DIABLO: variants seen among roughly 807,000 people sequenced by gnomAD.
DIABLO encodes the protein diablo IAP-binding mitochondrial protein.
In DIABLO, 32 loss-of-function variants were observed where a neutral mutation model predicts 31.7. That is an observed-to-expected ratio of 1.01 (90% CI 0.76 to 1.35). The LOEUF (loss-of-function observed/expected upper bound fraction) is 1.35, where lower values mean the gene tolerates loss of function less well. DIABLO is among the 40% of genes most tolerant of loss of function. DIABLO has a pLI of 0.00. For missense variants in DIABLO, 316 were observed against 286.4 expected (o/e 1.10, Z -0.75); for synonymous variants, 132 against 103.2 (o/e 1.28, Z -1.69).
At chr12:122,226,774 G>T, upstream of DIABLO, 1 of 555,028 alleles carries the variant, frequency 1.8e-6, no homozygotes, top group Non-Finnish European at 3.2e-6. Flanking sequence ...CTCGTTCTTC[G>T]GCTCTGATCC....
intron 2 of DIABLO, chr12:122,221,031 T>C (rs967092345): frequency 1.3e-5 from 2 of 152,236 alleles, no homozygotes; most frequent in African/African-American, 4.8e-5. Context: ...TATGTAACTT[T>C]TCCAAAAAGT....
chr12:122,211,537 C>CA (rs1954089093), intron 5 of DIABLO, among the ~76,000 whole-genome samples: 1 of 151,132 alleles, frequency 6.6e-6, no homozygotes, highest in Admixed American at 6.6e-5. Flanking sequence ...AACAAGACAC[C>CA]AACTCTTAAA....
At chr12:122,225,353 C>T in intron 1 of DIABLO, 1 of 975,564 alleles carries the variant, frequency 1.0e-6, no homozygotes, top group Non-Finnish European at 1.2e-6. Context: ...CGCCACTGCA[C>T]TCCAGCCTGG....
rs150518256 is a variant in DIABLO, at chr12:122,224,654, G to T, written c.51-10C>A. 9 of 1,614,050 alleles carry T rather than the reference G, an allele frequency of 5.6e-6. No homozygotes were observed. The African/African-American group carries it at 1.2e-4, about 22-fold the overall frequency. ...CAAACACTGTCTGTACCTGGAAGTAGAAGTCAGATTTCATAAGGCACGACC... is the reference window on the plus strand; with the variant it reads ...CAAACACTGTCTGTACCTGGAAGTATAAGTCAGATTTCATAAGGCACGACC... On this transcript the variant is annotated splice_polypyrimidine_tract_variant and intron_variant, in intron 1 of 5. Transcript: ENST00000464942.
At chr12:122,226,322 T>C (rs1437557722), upstream of DIABLO, 7 of 659,096 alleles carry the variant, frequency 1.1e-5, no homozygotes, top group South Asian at 1.1e-4. Context: ...GGGCGGGGAC[T>C]CAGTTCGGGC....
At chr12:122,226,134 A>C, upstream of DIABLO, 3 of 1,438,220 alleles carry the variant, frequency 2.1e-6, no homozygotes, top group South Asian at 1.2e-5. Context: ...CACCCAAGGA[A>C]GCAGTCGGGA....
intron 5 of DIABLO, chr12:122,209,085 C>T (rs1032238706): frequency 7.6e-5 from 21 of 277,842 alleles, no homozygotes; most frequent in South Asian, 4.8e-4. Context: ...GAAGGCCGGG[C>T]GCAGTGGCTC....
intron 5 of DIABLO, among the ~76,000 whole-genome samples, chr12:122,210,908 T>A (rs186712663): frequency 3.1e-4 from 47 of 150,056 alleles, no homozygotes; most frequent in Admixed American, 7.9e-4. Flanking sequence ...GGCATGGTGG[T>A]GTGCACCTGT....
intron 5 of DIABLO, chr12:122,208,969 TTAAAGG>T (rs1954011689): frequency 5.3e-5 from 19 of 357,572 alleles, no homozygotes; most frequent in South Asian, 3.3e-4. Flanking sequence ...TGACTAATCT[TTAAAGG>T]TAAAGGAATG....
At position 122,208,396 on chromosome 12, in the gene DIABLO, G is replaced by A. The variant is rs1953984673; in HGVS notation, c.705C>T (p.Tyr235=). Residue 235 remains tyrosine (Y), a synonymous_variant, in exon 6 of 6, where the codon TAC becomes TAT. Transcript: ENST00000464942. ...GCTCAGGCCCTCAATCCTCACGCAG[G>A]TAGGCCTCCTGCTCCGACTCAGCCC... ...EERAESEQEA[Y]LRED 6.2e-7 allele frequency: 1 copy of A among 1,612,434 alleles called. No homozygotes were observed. The highest frequency in any genetic ancestry group is 1.1e-5 in the South Asian group (1 of 91,028).
chr12:122,226,885 T>C (rs1413787383), upstream of DIABLO, among the ~76,000 whole-genome samples: 3 of 152,232 alleles, frequency 2.0e-5, no homozygotes, highest in East Asian at 1.9e-4. Context: ...TTTTTAATGC[T>C]GTGAGTGCCG....
Position 122,207,898 on chromosome 12 carries a change from T to C in DIABLO, c.*483A>G. ...GTCCTCACAGGACAGTGGGGGCAGA[T>C]CAGAGAACACATCAGAAATACATAC... On this transcript the variant is annotated 3_prime_UTR_variant, in exon 6 of 6. Transcript: ENST00000464942. The C allele has an allele frequency of 4.3e-6, 2 of 460,404 alleles. No homozygotes were observed. The highest frequency in any genetic ancestry group is 3.1e-5 in the South Asian group (2 of 64,526). The allele number at this position is 460,404 out of a possible 1,614,324, so 28.5% of individuals were successfully genotyped here. A position where few individuals can be genotyped will look rare whatever the true frequency, so the allele number is the denominator to read the frequency against.
intron 2 of DIABLO, among the ~76,000 whole-genome samples, chr12:122,223,201 G>A (rs572382018): frequency 4.6e-5 from 7 of 152,170 alleles, no homozygotes; most frequent in African/African-American, 1.2e-4. Flanking sequence ...TTGGGATGCC[G>A]AGGCGTGTGG....
chr12:122,216,704 G>C lies in DIABLO; in HGVS notation c.426+55C>G, dbSNP rs1954219785. The C allele has an allele frequency of 3.8e-6, 6 of 1,560,922 alleles. No homozygotes were observed. In the Admixed American group the frequency reaches 6.7e-5, roughly 17 times the overall value. On this transcript the variant is annotated intron_variant, in intron 4 of 5. Coordinates refer to ENST00000464942, the MANE Select transcript of DIABLO (RefSeq NM_001371333.1). ...TGATTAGACTTAATTCAATAATTTA[G>C]ATACCACATGAGGTAGGTGCACTAA...
chr12:122,226,277 G>T (rs762648232), upstream of DIABLO: 8 of 688,096 alleles, frequency 1.2e-5, no homozygotes, highest in South Asian at 1.2e-4. Context: ...TGGGTCCGGC[G>T]CGGAGCTGAG....
In DIABLO at chr12:122,224,731, C is replaced by T. The variant is rs553252627; in HGVS notation, c.51-87G>A. The T allele has an allele frequency of 3.3e-5, 53 of 1,612,368 alleles. 1 individual carries two copies. In the South Asian group the frequency reaches 5.2e-4, roughly 16 times the overall value. ...TACTTGCAGGGGCTGTAAACTCAAACTCGAGCCAAGCAGGAACCTAAATGA... is the reference window on the plus strand; with the variant it reads ...TACTTGCAGGGGCTGTAAACTCAAATTCGAGCCAAGCAGGAACCTAAATGA... On this transcript the variant is annotated intron_variant, in intron 1 of 5. Transcript: ENST00000464942.
Position 122,207,690 on chromosome 12 carries a change from TTTCAGATGCAAACAAA to T in DIABLO, c.*675_*690del, listed in dbSNP as rs760396817. ...GACCCCAGGAGAGACGCATTTTCTCTTTCAGATGCAAACAAAATCTTACACTCTTCTCCTTTGGATA... is the reference window on the plus strand; with the variant it reads ...GACCCCAGGAGAGACGCATTTTCTCTATCTTACACTCTTCTCCTTTGGATA... On this transcript the variant is annotated 3_prime_UTR_variant, in exon 6 of 6. Coordinates refer to ENST00000464942, the MANE Select transcript of DIABLO (RefSeq NM_001371333.1). The T allele has an allele frequency of 5.5e-4, 329 of 594,442 alleles. 2 individuals carry two copies. The highest frequency in any genetic ancestry group is 8.2e-4 in the Non-Finnish European group (260 of 317,484). The allele number at this position is 594,442 out of a possible 1,614,324, so 36.8% of individuals were successfully genotyped here. A position where few individuals can be genotyped will look rare whatever the true frequency, so the allele number is the denominator to read the frequency against.
At chr12:122,211,995 ATT>A (rs34540420) in intron 5 of DIABLO, among the ~76,000 whole-genome samples, 16 of 139,680 alleles carry the variant, frequency 1.1e-4, no homozygotes, top group Non-Finnish European at 7.8e-5. Flanking sequence ...TATTCCTATA[ATT>A]TTTTTTTTTT....
chr12:122,223,244 C>T (rs1954373303), intron 2 of DIABLO, among the ~76,000 whole-genome samples: 2 of 151,772 alleles, frequency 1.3e-5, no homozygotes, highest in African/African-American at 2.4e-5. Flanking sequence ...TGACCAGCCT[C>T]ACAAGCATGG....
Sources: allele counts gnomAD v4.1 joint callset (sites outside exome capture counted in the v4.1 genomes callset), GRCh38; gene constraint gnomAD v4.1.1; transcripts MANE v1.5; gene names NCBI Gene and HGNC (gene_info 2026-07-23, HGNC 2026-07-21).